The following QPCTL variants were observed in gnomAD, a reference collection of about 807,000 sequenced individuals.
QPCTL encodes the protein glutaminyl-peptide cyclotransferase-like protein.
QPCTL carries 31 observed loss-of-function variants against 34.6 expected under a neutral mutation model. The observed-to-expected ratio is 0.90, with a 90% CI of 0.67 to 1.21. The LOEUF is 1.21. QPCTL is among the 50% of genes most tolerant of loss of function. The pLI, the probability that QPCTL is intolerant of heterozygous loss-of-function variation, is 0.00. For missense variants in QPCTL, 474 were observed against 507.8 expected (o/e 0.93, Z 0.64); for synonymous variants, 223 against 226.9 (o/e 0.98, Z 0.15).
At chr19:45,693,650 G>A (rs1402307361) in intron 2 of QPCTL, 94 bp downstream of exon 2, 2 of 1,479,280 alleles carry the variant, frequency 1.4e-6, no homozygotes, top group African/African-American at 2.8e-5. Context: ...CTAAGAGGAG[G>A]AACTGGGGCT....
At chr19:45,696,435 A>G (rs569261156) in intron 3 of QPCTL, among the ~76,000 whole-genome samples, 1 of 152,186 alleles carries the variant, frequency 6.6e-6, no homozygotes, top group South Asian at 2.1e-4. Context: ...TACCAAAAAC[A>G]CAAAAATTAG....
chr19:45,702,630 G>T (rs1446899757), intron 6 of QPCTL, among the ~76,000 whole-genome samples: 1 of 151,928 alleles, frequency 6.6e-6, no homozygotes, highest in Non-Finnish European at 1.5e-5. Flanking sequence ...CAGGTGTCGT[G>T]GTGCCTGCCT....
At chr19:45,698,044 A>G (rs1967733187) in intron 3 of QPCTL, among the ~76,000 whole-genome samples, 1 of 152,022 alleles carries the variant, frequency 6.6e-6, no homozygotes, top group African/African-American at 2.4e-5. Context: ...GGAGTTCGAG[A>G]CCAGCCTGGC....
In QPCTL at chr19:45,703,028, G is replaced by A. The variant is rs1276234684; in HGVS notation, c.1128G>A (p.Leu376=). The A allele has an allele frequency of 1.2e-6, 2 of 1,614,046 alleles. No individual in the cohort carries two copies. Among genetic ancestry groups the A allele is most frequent in the East Asian group, 4.5e-5 (2 of 44,884 alleles). Residue 376 remains leucine, a synonymous_variant, in exon 7 of 7, where the codon CTG becomes CTA. Coordinates refer to ENST00000012049, the MANE Select transcript of QPCTL (RefSeq NM_017659.4). ...HNLCRILAVF[L]AEYLGL is the part of the protein sequence containing the mutation. Reference sequence around the variant, plus strand: ...TGTGCCGCATTCTCGCTGTGTTCCTGGCTGAATACCTGGGGCTCTAGCGTG... The same window carrying A: ...TGTGCCGCATTCTCGCTGTGTTCCTAGCTGAATACCTGGGGCTCTAGCGTG...
Position 45,701,087 on chromosome 19 carries a change from A to C in QPCTL, c.887-711A>C, listed in dbSNP as rs543228206. Reference sequence around the variant, plus strand: ...AGTTTGAGGCCAGCCCGGGCAACACAGGAAGATCCCATTTCTACACACACG... The same window carrying C: ...AGTTTGAGGCCAGCCCGGGCAACACCGGAAGATCCCATTTCTACACACACG... On this transcript the variant is annotated intron_variant, in intron 5 of 6. Coordinates refer to ENST00000012049, the MANE Select transcript of QPCTL (RefSeq NM_017659.4). 3.3e-5 allele frequency among the ~76,000 whole-genome samples: 5 copies of C among 150,420 alleles called. No individual in the cohort carries two copies. In the South Asian group the frequency reaches 8.4e-4, roughly 25 times the overall value.
At position 45,703,560 on chromosome 19, in the gene QPCTL, A is replaced by C. The variant is rs953222123; in HGVS notation, c.*511A>C. The C allele has an allele frequency of 6.5e-6, 1 of 152,672 alleles. No homozygotes were observed. The highest frequency in any genetic ancestry group is 1.5e-5 in the Non-Finnish European group (1 of 68,440). The allele number at this position is 152,672 out of a possible 1,614,324, so 9.5% of individuals were successfully genotyped here. A position where few individuals can be genotyped will look rare whatever the true frequency, so the allele number is the denominator to read the frequency against. Reference sequence around the variant, plus strand: ...TAGCCAGGATGGTCTCGATCTCCTGACCTTGTAATCCGCCAGCCTCGGCCT... The same window carrying C: ...TAGCCAGGATGGTCTCGATCTCCTGCCCTTGTAATCCGCCAGCCTCGGCCT... On this transcript the variant is annotated 3_prime_UTR_variant, in exon 7 of 7. Coordinates refer to ENST00000012049, the MANE Select transcript of QPCTL (RefSeq NM_017659.4).
At position 45,703,141 on chromosome 19, in the gene QPCTL, T is replaced by G. The variant is rs555585865; in HGVS notation, c.*92T>G. 1.3e-6 allele frequency: 2 copies of G among 1,490,474 alleles called. No individual in the cohort carries two copies. Among genetic ancestry groups the G allele is most frequent in the African/African-American group, 2.8e-5 (2 of 72,022 alleles). 92.3% of individuals were successfully genotyped at this position (1,490,474 alleles called of 1,614,324 possible). On this transcript the variant is annotated 3_prime_UTR_variant, in exon 7 of 7. Transcript: ENST00000012049. ...CAGGCAGGATCTGCCTAGGGTGTGCTGGTTTGTCCTTTTCATACCTTTGTC... is the reference window on the plus strand; with the variant it reads ...CAGGCAGGATCTGCCTAGGGTGTGCGGGTTTGTCCTTTTCATACCTTTGTC...
chr19:45,693,659 C>A, intron 2 of QPCTL, 103 bp downstream of exon 2: 1 of 1,460,048 alleles, frequency 6.8e-7, no homozygotes. Context: ...GGAACTGGGG[C>A]TCTGACTGGA....
At chr19:45,700,256 C>A (rs1052074281) in intron 5 of QPCTL, among the ~76,000 whole-genome samples, 1 of 151,934 alleles carries the variant, frequency 6.6e-6, no homozygotes, top group Non-Finnish European at 1.5e-5. Context: ...ACCAGCCTGG[C>A]GAATATGGTA....
intron 2 of QPCTL, among the ~76,000 whole-genome samples, 182 bp from the exon 3 acceptor site, chr19:45,695,255 C>G (rs993632679): frequency 6.6e-6 from 1 of 151,690 alleles, no homozygotes; most frequent in African/African-American, 2.4e-5. Flanking sequence ...CACTGCACTC[C>G]AGCCTGGGTG....
rs1414262115 is a variant in QPCTL at position 45,698,809 on chromosome 19, T to C, written c.795T>C (p.Phe265=). The C allele has an allele frequency of 7.4e-6, 12 of 1,613,842 alleles. No homozygotes were observed. The highest frequency in any genetic ancestry group is 5.5e-5 in the South Asian group (5 of 91,082). ...CTAGCCTTTCTCCTTAGGAGCTCTT[T>C]ATGCTTCTTGATCTCCTGGGAGCCC... ...GPTRIQAIEL[F]MLLDLLGAPN... The change falls in exon 5 of 7, where the codon TTT becomes TTC. Residue 265 remains phenylalanine (F), a synonymous_variant. Transcript: ENST00000012049.
intron 5 of QPCTL, 102 bp from the exon 6 acceptor site, chr19:45,701,696 C>T: frequency 1.2e-6 from 1 of 849,400 alleles, no homozygotes; most frequent in Non-Finnish European, 1.9e-6. Flanking sequence ...TTGGGCTGAC[C>T]AGGGCTTTGT....
In QPCTL at chr19:45,693,282, A is replaced by C. The variant is rs113573476; in HGVS notation, c.208-131A>C. The stretch of plus-strand genomic sequence containing the variant: ...TCCTGAGCCTTGGATTTATCCTAGA[A>C]GTCTCCGATGCTGGAGGCGGCAGAT... On this transcript the variant is annotated intron_variant, in intron 1 of 6. Transcript: ENST00000012049. 1,839 of 1,248,030 alleles carry C rather than the reference A, an allele frequency of 1.5e-3. 16 individuals carry two copies. In the African/African-American group the frequency reaches 0.021, roughly 14 times the overall value. 77.3% of individuals were successfully genotyped at this position (1,248,030 alleles called of 1,614,324 possible). A position where few individuals can be genotyped will look rare whatever the true frequency, so the allele number is the denominator to read the frequency against.
In QPCTL at chr19:45,702,609, C is replaced by T. The variant is rs536673276; in HGVS notation, c.1004-295C>T. On this transcript the variant is annotated intron_variant, in intron 6 of 6. Coordinates refer to ENST00000012049, the MANE Select transcript of QPCTL (RefSeq NM_017659.4). ...TGAAACCCCATCTCTACTAAAAATACAAAAATTAGACAGGTGTCGTGGTGC... is the reference window on the plus strand; with the variant it reads ...TGAAACCCCATCTCTACTAAAAATATAAAAATTAGACAGGTGTCGTGGTGC... 6.6e-5 allele frequency among the ~76,000 whole-genome samples: 10 copies of T among 151,940 alleles called. 1 individual carries two copies. The South Asian group carries it at 2.1e-3, about 32-fold the overall frequency.
At chr19:45,693,287 C>A in intron 1 of QPCTL, 126 bp from the exon 2 acceptor site, 1 of 1,289,968 alleles carries the variant, frequency 7.8e-7, no homozygotes. Flanking sequence ...CTAGAAGTCT[C>A]CGATGCTGGA....
At chr19:45,695,891 G>C (rs1183085554) in intron 3 of QPCTL, among the ~76,000 whole-genome samples, 173 bp downstream of exon 3, 1 of 151,078 alleles carries the variant, frequency 6.6e-6, no homozygotes, top group Non-Finnish European at 1.5e-5. Context: ...TGTTCCCCAG[G>C]ATGGAGTGCA....
At chr19:45,699,518 G>T (rs1178144601) in intron 5 of QPCTL, among the ~76,000 whole-genome samples, 1 of 151,622 alleles carries the variant, frequency 6.6e-6, no homozygotes, top group Non-Finnish European at 1.5e-5. Context: ...TAAAATAAAG[G>T]CTGGGCTTGG....
Position 45,702,950 on chromosome 19 carries a change from G to A in QPCTL, c.1050G>A (p.Trp350Ter), listed in dbSNP as rs376399152. Residue 350 changes from tryptophan (W) to a stop codon, truncating the protein, a stop_gained, in exon 7 of 7, where the codon TGG (tryptophan) becomes TGA (stop). Coordinates refer to ENST00000012049, the MANE Select transcript of QPCTL (RefSeq NM_017659.4). LOFTEE classifies it high-confidence loss of function. Reference protein sequence around the residue: ...HLISTPFPAVWHTPADTEVNL... With the variant: ...HLISTPFPAV ...TCTCCACGCCCTTCCCTGCTGTCTG[G>A]CACACCCCTGCGGACACCGAGGTCA... 5 of 1,614,004 alleles carry A rather than the reference G, an allele frequency of 3.1e-6. No individual in the cohort carries two copies. Among genetic ancestry groups the A allele is most frequent in the Non-Finnish European group, 4.2e-6 (5 of 1,179,998 alleles).
At chr19:45,696,811 C>A (rs188082160) in intron 3 of QPCTL, among the ~76,000 whole-genome samples, 2 of 152,102 alleles carry the variant, frequency 1.3e-5, no homozygotes, top group South Asian at 4.2e-4. Flanking sequence ...GGTGTCCACT[C>A]CAATGTCACC....
Sources: gnomAD v4.1 joint callset for allele counts (sites outside exome capture counted in the v4.1 genomes callset) on GRCh38, gnomAD v4.1.1 for gene constraint, MANE v1.5 for transcripts, NCBI Gene and HGNC (gene_info 2026-07-23, HGNC 2026-07-21) for gene names.